The following PRR16 variants were observed in gnomAD, a reference collection of about 807,000 sequenced individuals.
PRR16 encodes the protein proline rich 16, also known as protein Largen.
PRR16 carries 6 observed loss-of-function variants against 18.2 expected under a neutral mutation model. The observed-to-expected ratio is 0.33, with a 90% CI of 0.18 to 0.65. The LOEUF is 0.65. Ranked by LOEUF, PRR16 falls within the 30% of genes least tolerant of loss-of-function variation. PRR16 has a pLI of 0.74. For missense variants in PRR16, 412 were observed against 376.6 expected (o/e 1.09, Z -0.78); for synonymous variants, 151 against 147.8 (o/e 1.02, Z -0.16).
At chr5:120,695,289 C>T in the PRR16 span, among the ~76,000 whole-genome samples, 1 of 151,764 alleles carries the variant, frequency 6.6e-6, no homozygotes, top group African/African-American at 2.4e-5. Flanking sequence ...GATTTTTTTT[C>T]TAAGTGGACT....
chr5:120,727,046 G>A, the PRR16 span, among the ~76,000 whole-genome samples: 2 of 151,980 alleles, frequency 1.3e-5, no homozygotes, highest in Non-Finnish European at 2.9e-5. Flanking sequence ...TTTCTTTCAA[G>A]CCAATGGCAT....
chr5:120,634,951 A>G (rs909199250), intron 1 of PRR16, among the ~76,000 whole-genome samples: 3 of 152,170 alleles, frequency 2.0e-5, no homozygotes, highest in Non-Finnish European at 2.9e-5. Flanking sequence ...CAGATAGTAT[A>G]TAAATACAAA....
intron 1 of PRR16, among the ~76,000 whole-genome samples, chr5:120,622,785 G>C: frequency 6.6e-6 from 1 of 151,960 alleles, no homozygotes; most frequent in East Asian, 1.9e-4. Context: ...CCACAAGTTG[G>C]CATTTCATAT....
chr5:120,584,180 G>A (rs1019613062), intron 1 of PRR16, among the ~76,000 whole-genome samples: 1 of 152,192 alleles, frequency 6.6e-6, no homozygotes, highest in Non-Finnish European at 1.5e-5. Context: ...GAAGTGATAG[G>A]AGTTGAGGCT....
At chr5:120,730,022 C>T in the PRR16 span, among the ~76,000 whole-genome samples, 1 of 152,094 alleles carries the variant, frequency 6.6e-6, no homozygotes, top group Admixed American at 6.6e-5. Context: ...ACTCCCATTT[C>T]TCTCCCCTAA....
intron 1 of PRR16, among the ~76,000 whole-genome samples, chr5:120,622,053 C>T (rs575429958): frequency 6.6e-6 from 1 of 152,286 alleles, no homozygotes; most frequent in Non-Finnish European, 1.5e-5. Context: ...CACTCACACA[C>T]TTAGTCTCTT....
At chr5:120,614,522 C>T (rs971979566) in intron 1 of PRR16, among the ~76,000 whole-genome samples, 1 of 152,168 alleles carries the variant, frequency 6.6e-6, no homozygotes, top group African/African-American at 2.4e-5. Context: ...TAATTGAAAA[C>T]ACTTTAATGA....
chr5:120,544,832 G>A (rs1300963063), intron 1 of PRR16, among the ~76,000 whole-genome samples: 2 of 151,960 alleles, frequency 1.3e-5, no homozygotes, highest in Admixed American at 1.3e-4. Flanking sequence ...ACCTGGCCAA[G>A]GGTTGACTTC....
chr5:120,571,991 T>C (rs1261724728), intron 1 of PRR16, among the ~76,000 whole-genome samples: 1 of 152,132 alleles, frequency 6.6e-6, no homozygotes, highest in Non-Finnish European at 1.5e-5. Context: ...AACATGGGCT[T>C]CCCTGCATGG....
the PRR16 span, among the ~76,000 whole-genome samples, chr5:120,715,563 A>G: frequency 3.3e-5 from 5 of 152,234 alleles, no homozygotes; most frequent in Non-Finnish European, 5.9e-5. Flanking sequence ...CAAACTCCTT[A>G]TCAATGCTAT....
chr5:120,769,976 T>C, the PRR16 span, among the ~76,000 whole-genome samples: 4 of 151,896 alleles, frequency 2.6e-5, no homozygotes, highest in African/African-American at 9.7e-5. Context: ...GCGTCTTTTC[T>C]TACAGCTGTT....
rs1040292528 is a variant in PRR16, at chr5:120,517,916, A to G, written c.159+53271A>G. Among the ~76,000 whole-genome samples the G allele has an allele frequency of 5.3e-5, 8 of 152,308 alleles. No individual in the cohort carries two copies. The East Asian group carries it at 1.4e-3, about 26-fold the overall frequency. On this transcript the variant is annotated intron_variant, in intron 1 of 1. Coordinates refer to ENST00000407149, the MANE Select transcript of PRR16 (RefSeq NM_001300783.2). Reference sequence around the variant, plus strand: ...GATCTACGAGGACTTCCTGTACTGTAAAGTTCTAGGATTCTCTAAAATGCA... The same window carrying G: ...GATCTACGAGGACTTCCTGTACTGTGAAGTTCTAGGATTCTCTAAAATGCA...
At chr5:120,576,638 G>C (rs192752263) in intron 1 of PRR16, among the ~76,000 whole-genome samples, 2 of 152,208 alleles carry the variant, frequency 1.3e-5, no homozygotes, top group Non-Finnish European at 2.9e-5. Context: ...TGTCACAAGG[G>C]ACTCCTGCCT....
chr5:120,657,648 C>T lies in PRR16; in HGVS notation c.160-28306C>T, dbSNP rs1004763031. Among the ~76,000 whole-genome samples the T allele has an allele frequency of 2.2e-4, 34 of 151,930 alleles. 1 individual carries two copies. The highest frequency in any genetic ancestry group is 1.6e-3 in the Admixed American group (25 of 15,190). On this transcript the variant is annotated intron_variant, in intron 1 of 1. Transcript: ENST00000407149. The stretch of plus-strand genomic sequence containing the variant: ...GCACCTGGAGCTAAACAAGTGGCTT[C>T]TCTTCACATAACTTATTCATCAGAG...
At chr5:120,586,344 A>T (rs1218099344) in intron 1 of PRR16, among the ~76,000 whole-genome samples, 1 of 152,184 alleles carries the variant, frequency 6.6e-6, no homozygotes, top group Non-Finnish European at 1.5e-5. Context: ...TCTTTATTTC[A>T]ACTGTAATAA....
chr5:120,655,725 C>CTTTTTTTTTT (rs5870911), intron 1 of PRR16, among the ~76,000 whole-genome samples: 2 of 102,790 alleles, frequency 1.9e-5, no homozygotes, highest in Non-Finnish European at 2.0e-5. Flanking sequence ...TAGCAATTGA[C>CTTTTTTTTTT]TTTTTTTTTT....
the PRR16 span, among the ~76,000 whole-genome samples, chr5:120,793,015 G>A: frequency 7.2e-5 from 11 of 152,008 alleles, no homozygotes; most frequent in Admixed American, 2.6e-4. Context: ...AGGTGGCTAC[G>A]GTGGTGGGTG....
At chr5:120,776,100 T>TGAGAGACAA in the PRR16 span, among the ~76,000 whole-genome samples, 2 of 152,144 alleles carry the variant, frequency 1.3e-5, no homozygotes, top group South Asian at 4.1e-4. Flanking sequence ...TCTCTCACTG[T>TGAGAGACAA]TGCTGCTCCC....
At chr5:120,576,291 C>T (rs1370387043) in intron 1 of PRR16, among the ~76,000 whole-genome samples, 2 of 152,044 alleles carry the variant, frequency 1.3e-5, no homozygotes, top group Non-Finnish European at 2.9e-5. Context: ...ATATAAAAGA[C>T]TCAAACAACT....
Sources: allele counts gnomAD v4.1 joint callset (sites outside exome capture counted in the v4.1 genomes callset), GRCh38; gene constraint gnomAD v4.1.1; transcripts MANE v1.5; gene names NCBI Gene and HGNC (gene_info 2026-07-23, HGNC 2026-07-21).